Variants in TEC observed in about 807,000 individuals in gnomAD.
TEC encodes tec protein tyrosine kinase.
TEC carries 72 observed loss-of-function variants against 93.0 expected under a neutral mutation model. The observed-to-expected ratio is 0.77, with a 90% CI of 0.64 to 0.94. TEC has a LOEUF of 0.94. Among genes scored for constraint, TEC ranks in the 40% least tolerant of loss-of-function variants. The probability of loss-of-function intolerance (pLI) is 0.00; values close to 1 mark genes in which losing one functional copy is unlikely to be tolerated. For synonymous variants in TEC, 249 were observed against 247.7 expected, an observed-to-expected ratio of 1.01 and a Z score of -0.05; for missense variants, 630 against 757.9, an observed-to-expected ratio of 0.83 and a Z score of 1.98.
intron 5 of TEC, among the ~76,000 whole-genome samples, chr4:48,169,706 C>T (rs1338908960): frequency 1.3e-5 from 2 of 152,202 alleles, no homozygotes; most frequent in South Asian, 2.1e-4. Flanking sequence ...GTATTTTTAG[C>T]TTATGACTAA....
chr4:48,241,582 C>T (rs780277386), intron 1 of TEC, among the ~76,000 whole-genome samples: 7 of 152,154 alleles, frequency 4.6e-5, no homozygotes, highest in Non-Finnish European at 8.8e-5. Context: ...AAGTCACCCC[C>T]AGCCATTAAA....
At chr4:48,257,373 T>C (rs1353888825) in intron 1 of TEC, among the ~76,000 whole-genome samples, 1 of 152,218 alleles carries the variant, frequency 6.6e-6, no homozygotes, top group Non-Finnish European at 1.5e-5. Context: ...CCAGAGAAAC[T>C]AACTGCTTGG....
At chr4:48,171,824 C>G (rs1226668960) in intron 3 of TEC, among the ~76,000 whole-genome samples, 1 of 152,200 alleles carries the variant, frequency 6.6e-6, no homozygotes, top group Non-Finnish European at 1.5e-5. Context: ...TTTCCTTTTG[C>G]CACTATCAAT....
Position 48,137,324 on chromosome 4 carries a change from T to C in TEC, c.*92A>G, listed in dbSNP as rs541212035. The C allele has an allele frequency of 1.0e-6, 1 of 976,968 alleles. No homozygotes were observed. The highest frequency in any genetic ancestry group is 1.6e-6 in the Non-Finnish European group (1 of 629,488). The allele number at this position is 976,968 out of a possible 1,614,324, so 60.5% of individuals were successfully genotyped here. On this transcript the variant is annotated 3_prime_UTR_variant, in exon 18 of 18. Coordinates refer to ENST00000381501, the MANE Select transcript of TEC (RefSeq NM_003215.3). Reference sequence around the variant, plus strand: ...TGTTTCCACTGTATAAGTAAAATGATCTACATGTCCAAGTGCTCAATAAAT... The same window carrying C: ...TGTTTCCACTGTATAAGTAAAATGACCTACATGTCCAAGTGCTCAATAAAT...
chr4:48,136,570 G>A lies in TEC; in HGVS notation c.*846C>T, dbSNP rs578013430. On this transcript the variant is annotated 3_prime_UTR_variant, in exon 18 of 18. Coordinates refer to ENST00000381501, the MANE Select transcript of TEC (RefSeq NM_003215.3). ...GATTCTGATTAGCTGCGGCCACCAT[G>A]GGCAGGATTACATAGGCCAAATGCA... 6.6e-6 allele frequency: 1 copy of A among 152,294 alleles called. No individual in the cohort carries two copies. Among genetic ancestry groups the A allele is most frequent in the East Asian group, 1.9e-4 (1 of 5,182 alleles). 9.4% of individuals were successfully genotyped at this position (152,294 alleles called of 1,614,324 possible). A position where few individuals can be genotyped will look rare whatever the true frequency, so the allele number is the denominator to read the frequency against.
chr4:48,226,452 T>C lies in TEC; in HGVS notation c.138+2025A>G, dbSNP rs563763906. On this transcript the variant is annotated intron_variant, in intron 2 of 17. Coordinates refer to ENST00000381501, the MANE Select transcript of TEC (RefSeq NM_003215.3). ...CCCCTGAGACAGCAAGACCAACCCC[T>C]CCTCTTCCTCCTCCTCAGCCTACTC... 3.3e-5 allele frequency among the ~76,000 whole-genome samples: 5 copies of C among 152,046 alleles called. No individual in the cohort carries two copies. In the East Asian group the frequency reaches 5.8e-4, roughly 18 times the overall value.
At chr4:48,244,672 T>C (rs1724008409) in intron 1 of TEC, among the ~76,000 whole-genome samples, 1 of 152,244 alleles carries the variant, frequency 6.6e-6, no homozygotes, top group Non-Finnish European at 1.5e-5. Context: ...CTCTACTGTA[T>C]ATCAGGTACT....
Position 48,138,617 on chromosome 4 carries a change from G to A in TEC, c.1812+48C>T, listed in dbSNP as rs569117608. 25 of 1,555,902 alleles carry A rather than the reference G, an allele frequency of 1.6e-5. No homozygotes were observed. In the South Asian group the frequency reaches 2.5e-4, roughly 15 times the overall value. ...AGACTGCATGTTATCCATCTACCAA[G>A]CCCAATCCCTAAGAGATTCAAAAAG... On this transcript the variant is annotated intron_variant, in intron 17 of 17. Coordinates refer to ENST00000381501, the MANE Select transcript of TEC (RefSeq NM_003215.3).
intron 10 of TEC, 91 bp downstream of exon 10, chr4:48,150,772 T>A: frequency 1.1e-6 from 1 of 890,416 alleles, no homozygotes; most frequent in Non-Finnish European, 1.6e-6. Flanking sequence ...AAATGCTGCA[T>A]ATTTTTATGA....
intron 1 of TEC, among the ~76,000 whole-genome samples, chr4:48,250,536 T>C (rs1229276031): frequency 6.6e-6 from 1 of 152,226 alleles, no homozygotes; most frequent in Admixed American, 6.5e-5. Context: ...AGCTGAGTCC[T>C]TAAAACGTGT....
At chr4:48,143,978 C>G (rs111946827) in intron 14 of TEC, among the ~76,000 whole-genome samples, 2 of 152,146 alleles carry the variant, frequency 1.3e-5, no homozygotes, top group African/African-American at 4.8e-5. Flanking sequence ...GTAATCCTAG[C>G]ACTTGGGAGG....
chr4:48,188,755 C>A (rs530893068), intron 2 of TEC, among the ~76,000 whole-genome samples: 5 of 152,158 alleles, frequency 3.3e-5, no homozygotes, highest in African/African-American at 1.2e-4. Context: ...CATCTCAGGT[C>A]AATACATGCA....
chr4:48,190,579 G>A (rs903328539), intron 2 of TEC, among the ~76,000 whole-genome samples: 6 of 152,174 alleles, frequency 3.9e-5, no homozygotes, highest in African/African-American at 9.7e-5. Context: ...CTAGCAAGAC[G>A]AATCAAAGTT....
At chr4:48,233,631 G>T (rs1030357626) in intron 1 of TEC, among the ~76,000 whole-genome samples, 2 of 130,990 alleles carry the variant, frequency 1.5e-5, no homozygotes, top group Non-Finnish European at 3.2e-5. Flanking sequence ...CAGAAAAAAA[G>T]AAAATGTTAA....
At chr4:48,243,155 T>C (rs1723965367) in intron 1 of TEC, among the ~76,000 whole-genome samples, 1 of 151,622 alleles carries the variant, frequency 6.6e-6, no homozygotes, top group African/African-American at 2.4e-5. Context: ...TAAGCAATGG[T>C]TCTTTAAACA....
At chr4:48,244,320 T>G (rs1002501541) in intron 1 of TEC, among the ~76,000 whole-genome samples, 3 of 152,198 alleles carry the variant, frequency 2.0e-5, no homozygotes, top group African/African-American at 7.2e-5. Flanking sequence ...GGACTTACAG[T>G]TCCACGTGGC....
At chr4:48,169,483 T>C (rs1037448760) in intron 5 of TEC, among the ~76,000 whole-genome samples, 4 of 152,132 alleles carry the variant, frequency 2.6e-5, no homozygotes, top group Non-Finnish European at 2.9e-5. Flanking sequence ...CCAGGACTCA[T>C]AGAACTGAGG....
At chr4:48,242,573 A>G (rs1380216592) in intron 1 of TEC, among the ~76,000 whole-genome samples, 1 of 152,224 alleles carries the variant, frequency 6.6e-6, no homozygotes, top group Non-Finnish European at 1.5e-5. Context: ...GGACCATTGT[A>G]TATTCATTTG....
chr4:48,183,497 T>G (rs1294882071), intron 2 of TEC, among the ~76,000 whole-genome samples: 1 of 152,280 alleles, frequency 6.6e-6, no homozygotes, highest in Non-Finnish European at 1.5e-5. Context: ...TCCAATCCGA[T>G]GAGGGGGCAA....
Sources: gnomAD v4.1 joint callset for allele counts (sites outside exome capture counted in the v4.1 genomes callset) on GRCh38, gnomAD v4.1.1 for gene constraint, MANE v1.5 for transcripts, NCBI Gene and HGNC (gene_info 2026-07-23, HGNC 2026-07-21) for gene names.